The following PHF24 variants were observed in gnomAD, a reference collection of about 807,000 sequenced individuals.
PHF24 encodes the protein Galpha inhibitory interacting protein.
PHF24 carries 25 observed loss-of-function variants against 42.6 expected under a neutral mutation model. The ratio of observed to expected loss-of-function variants is 0.59; its 90% CI spans 0.43 to 0.82. PHF24 has a LOEUF of 0.82. Among genes scored for constraint, PHF24 ranks in the 40% least tolerant of loss-of-function variants. The pLI, the probability that PHF24 is intolerant of heterozygous loss-of-function variation, is 0.00. For synonymous variants in PHF24, 185 were observed against 204.8 expected (o/e 0.90, Z 0.83); for missense variants, 470 against 538.1 (o/e 0.87, Z 1.25).
the PHF24 span, chr9:34,709,854 T>A: frequency 6.2e-7 from 1 of 1,614,214 alleles, no homozygotes; most frequent in Non-Finnish European, 8.5e-7. Context: ...GAATCTTCCT[T>A]TGGCTGTACT....
chr9:34,708,361 G>A, the PHF24 span, among the ~76,000 whole-genome samples: 1 of 152,188 alleles, frequency 6.6e-6, no homozygotes. Context: ...TCTGGAAGGA[G>A]GCTGAGTGAG....
chr9:34,943,150 C>T, the PHF24 span, among the ~76,000 whole-genome samples: 4 of 152,162 alleles, frequency 2.6e-5, no homozygotes, highest in Non-Finnish European at 5.9e-5. Flanking sequence ...CAGCAGCCTT[C>T]AGTCATTCCC....
chr9:34,722,994 C>T, the PHF24 span: 2 of 505,382 alleles, frequency 4.0e-6, no homozygotes, highest in African/African-American at 3.8e-5. Flanking sequence ...ACTTTTTAGC[C>T]TCCCTCACAC....
chr9:34,942,954 T>C, the PHF24 span, among the ~76,000 whole-genome samples: 93 of 152,110 alleles, frequency 6.1e-4, no homozygotes, highest in Non-Finnish European at 8.4e-4. Context: ...ACCTATGTAA[T>C]AAACCTGCAC....
the PHF24 span, among the ~76,000 whole-genome samples, chr9:34,825,106 G>A: frequency 2.6e-5 from 4 of 152,058 alleles, no homozygotes; most frequent in Non-Finnish European, 5.9e-5. Context: ...ACCAGGACCT[G>A]GTTCTTCATG....
At chr9:34,753,389 G>A in the PHF24 span, among the ~76,000 whole-genome samples, 3 of 152,000 alleles carry the variant, frequency 2.0e-5, no homozygotes, top group African/African-American at 4.8e-5. Context: ...AAGTAATCCC[G>A]CTGATAACAG....
At chr9:34,869,411 C>A in the PHF24 span, among the ~76,000 whole-genome samples, 6 of 152,160 alleles carry the variant, frequency 3.9e-5, no homozygotes, top group African/African-American at 1.2e-4. Context: ...ACCTGGCCAG[C>A]ATCTGTTGTT....
the PHF24 span, among the ~76,000 whole-genome samples, chr9:34,694,413 C>T: frequency 6.6e-6 from 1 of 151,964 alleles, no homozygotes; most frequent in Non-Finnish European, 1.5e-5. Context: ...TCACTGCAAC[C>T]TCCGCCTCCT....
At chr9:34,981,029 G>C (rs867708021) in exon 8 of PHF24, 1 of 152,402 alleles carries the variant, frequency 6.6e-6, no homozygotes, top group South Asian at 2.1e-4. Context: ...TTCCTCTCCT[G>C]AGCCCAGCCT....
chr9:34,704,464 C>T, the PHF24 span, among the ~76,000 whole-genome samples: 1 of 148,842 alleles, frequency 6.7e-6, no homozygotes, highest in Non-Finnish European at 1.5e-5. Flanking sequence ...TGGGAGTCAG[C>T]CCATGATTTC....
At chr9:34,780,305 T>TC in the PHF24 span, among the ~76,000 whole-genome samples, 25 of 80,446 alleles carry the variant, frequency 3.1e-4, 1 homozygote, top group South Asian at 9.5e-3. Context: ...TTTCTTTTTT[T>TC]TTTTTTTTTT....
the PHF24 span, chr9:34,689,581 C>A: frequency 3.8e-6 from 2 of 529,786 alleles, no homozygotes; most frequent in East Asian, 3.0e-5. The surrounding 1 kb of genome is among the most constrained non-coding windows in gnomAD (Gnocchi z 4.1). Flanking sequence ...TAGTTGTAAA[C>A]ACCAGGCGGC....
the PHF24 span, among the ~76,000 whole-genome samples, chr9:34,795,823 C>T: frequency 1.6e-3 from 240 of 152,104 alleles, no homozygotes; most frequent in Middle Eastern, 0.017. Context: ...AAGACAAAAT[C>T]CCATCTCTAC....
At chr9:34,708,634 TC>T in the PHF24 span, among the ~76,000 whole-genome samples, 1 of 152,220 alleles carries the variant, frequency 6.6e-6, no homozygotes, top group African/African-American at 2.4e-5. Flanking sequence ...ATTGAATAGT[TC>T]CCAGGGAAAA....
At chr9:34,745,113 G>C in the PHF24 span, among the ~76,000 whole-genome samples, 1 of 152,208 alleles carries the variant, frequency 6.6e-6, no homozygotes, top group Non-Finnish European at 1.5e-5. Context: ...GGAGGGATTA[G>C]AGCAAGGAGC....
chr9:34,846,842 C>T, the PHF24 span, among the ~76,000 whole-genome samples: 17 of 151,918 alleles, frequency 1.1e-4, no homozygotes, highest in Non-Finnish European at 2.2e-4. Flanking sequence ...CCCAGCACCA[C>T]TTATTAAATA....
rs750846249 is a variant in PHF24 at position 34,971,688 on chromosome 9, G to T, written c.378+12G>T. On this transcript the variant is annotated intron_variant, in intron 2 of 7. Transcript: ENST00000242315. ...AGCCCAGAGAGCCTGTGAGTATCCA[G>T]TTAGGACAGGATCCTCAAGTCTTAG... 9.4e-6 allele frequency: 15 copies of T among 1,593,410 alleles called. No homozygotes were observed. The South Asian group carries it at 1.7e-4, about 18-fold the overall frequency.
At chr9:34,739,772 C>A in the PHF24 span, among the ~76,000 whole-genome samples, 1 of 152,234 alleles carries the variant, frequency 6.6e-6, no homozygotes, top group Non-Finnish European at 1.5e-5. Context: ...TGGAAGGATA[C>A]CCCAGCGTGT....
chr9:34,716,088 G>T, the PHF24 span, among the ~76,000 whole-genome samples: 1 of 152,210 alleles, frequency 6.6e-6, no homozygotes, highest in Admixed American at 6.5e-5. Context: ...GTGCGTTGCT[G>T]CTCCTGGGTT....
Sources: gnomAD v4.1 joint callset for allele counts (sites outside exome capture counted in the v4.1 genomes callset) on GRCh38, gnomAD v4.1.1 for gene constraint, Gnocchi (gnomAD v3.1) non-coding constraint, MANE v1.5 for transcripts, NCBI Gene and HGNC (gene_info 2026-07-23, HGNC 2026-07-21) for gene names.